Variants in DUSP8 observed in about 807,000 individuals in gnomAD.
DUSP8 encodes dual specificity phosphatase 8.
A neutral mutation model predicts 38.7 loss-of-function variants in DUSP8; 15 were observed. The observed-to-expected ratio is 0.39, with a 90% CI of 0.26 to 0.60. The LOEUF is 0.60. Among genes scored for constraint, DUSP8 ranks in the 20% least tolerant of loss-of-function variants. DUSP8 has a pLI of 0.56. For missense variants in DUSP8, 768 were observed against 915.0 expected, an observed-to-expected ratio of 0.84 and a Z score of 2.07; for synonymous variants, 458 against 433.9, an observed-to-expected ratio of 1.06 and a Z score of -0.69.
intron 3 of DUSP8, among the ~76,000 whole-genome samples, chr11:1,559,855 G>C (rs1342917756): frequency 6.6e-6 from 1 of 152,212 alleles, no homozygotes; most frequent in East Asian, 1.9e-4. Flanking sequence ...CCCTGCACCA[G>C]CTGGAAGGAC....
chr11:1,570,537 C>T (rs1159667523), intron 1 of DUSP8, among the ~76,000 whole-genome samples: 2 of 152,212 alleles, frequency 1.3e-5, no homozygotes, highest in South Asian at 2.1e-4. Context: ...CAGAGACTGA[C>T]TCTAAGCGTC....
At chr11:1,559,137 A>C in intron 3 of DUSP8, 82 bp from the exon 4 acceptor site, 1 of 1,359,884 alleles carries the variant, frequency 7.4e-7, no homozygotes, top group East Asian at 2.5e-5. Context: ...CGCCTAGGGC[A>C]CCCCATCTAC....
rs1425461718 is a variant in DUSP8 at position 1,557,697 on chromosome 11, G to A, written c.821+97C>T. On this transcript the variant is annotated intron_variant, in intron 6 of 6. Transcript: ENST00000397374. The surrounding 1 kb of genome is among the most constrained non-coding windows in gnomAD (Gnocchi z 9.9). ...GTCTCAGGCCCTCCTCCCTTGCCACGGGTCCTGGACGGTGGGGTCATTCTG... is the reference window on the plus strand; with the variant it reads ...GTCTCAGGCCCTCCTCCCTTGCCACAGGTCCTGGACGGTGGGGTCATTCTG... 18 of 1,577,614 alleles carry A rather than the reference G, an allele frequency of 1.1e-5. No homozygotes were observed. Among genetic ancestry groups the A allele is most frequent in the East Asian group, 2.2e-5 (1 of 44,484 alleles).
chr11:1,568,853 T>C (rs1173786321), intron 1 of DUSP8, among the ~76,000 whole-genome samples: 1 of 152,238 alleles, frequency 6.6e-6, no homozygotes, highest in Non-Finnish European at 1.5e-5. Context: ...TGCTGGCCTC[T>C]GGGAGAGCAT....
At chr11:1,572,432 G>C (rs1025045940), upstream of DUSP8, among the ~76,000 whole-genome samples, 13 of 150,304 alleles carry the variant, frequency 8.6e-5, no homozygotes, top group Admixed American at 4.0e-4. The surrounding 1 kb of genome is among the most constrained non-coding windows in gnomAD (Gnocchi z 4.7). Flanking sequence ...GCTGCCGCGG[G>C]GGGGGGGCGG....
Position 1,556,647 on chromosome 11 carries a change from G to T in DUSP8, c.1749C>A (p.Phe583Leu). The change falls in exon 7 of 7, where the codon TTC becomes TTA. Residue 583 changes from phenylalanine (F) to leucine (L), a missense_variant. By Grantham distance (22) the Phe-to-Leu change is conservative. Around this residue, in one of 3 missense-constraint regions of DUSP8, gnomAD observed 474 missense variants for 430.8 expected, o/e 1.10. Coordinates refer to ENST00000397374, the MANE Select transcript of DUSP8 (RefSeq NM_004420.3). The surrounding 1 kb of genome is among the most constrained non-coding windows in gnomAD (Gnocchi z 5.2). ...WPEEPAPETQ[F>L]KRRSCQMEFE... ...ACTCCATCTGGCAGCTGCGGCGCTT[G>T]AACTGCGTCTCCGGGGCCGGCTCCT... 1.4e-6 allele frequency: 2 copies of T among 1,413,746 alleles called. No homozygotes were observed. Among genetic ancestry groups the T allele is most frequent in the Non-Finnish European group, 1.9e-6 (2 of 1,080,238 alleles). The allele number at this position is 1,413,746 out of a possible 1,614,324, so 87.6% of individuals were successfully genotyped here. A position where few individuals can be genotyped will look rare whatever the true frequency, so the allele number is the denominator to read the frequency against.
Position 1,557,757 on chromosome 11 carries a change from C to T in DUSP8, c.821+37G>A, listed in dbSNP as rs563099635. The T allele has an allele frequency of 6.2e-7, 1 of 1,611,280 alleles. No individual in the cohort carries two copies. The highest frequency in any genetic ancestry group is 1.3e-5 in the African/African-American group (1 of 74,988). On this transcript the variant is annotated intron_variant, in intron 6 of 6. Transcript: ENST00000397374. This position sits in a 1 kb window ranked among gnomAD's most constrained non-coding sequence, Gnocchi z 9.9. ...GGCAGCCGGGGGAAGGGAAGCGACG[C>T]TGTGAGCCACAAGTGCGCGACTGGG...
In DUSP8 at chr11:1,572,188, G is replaced by T. The variant is rs963959596; in HGVS notation, c.-396C>A. On this transcript the variant is annotated 5_prime_UTR_variant, in exon 1 of 7. Coordinates refer to ENST00000397374, the MANE Select transcript of DUSP8 (RefSeq NM_004420.3). The surrounding 1 kb of genome is among the most constrained non-coding windows in gnomAD (Gnocchi z 4.7). ...GGAGGTTCCGGCGCGGCTCGGGCTC[G>T]GGCTCGGGCTCGGGCTCGGGCGTCC... Among the ~76,000 whole-genome samples the T allele has an allele frequency of 3.5e-5, 5 of 144,158 alleles. No homozygotes were observed. The highest frequency in any genetic ancestry group is 2.5e-5 in the African/African-American group (1 of 40,226). 94.6% of individuals were successfully genotyped at this position (144,158 alleles called of 152,430 possible).
rs1848586611 is a variant in DUSP8, at chr11:1,554,342, G to A, written c.*2176C>T. On this transcript the variant is annotated 3_prime_UTR_variant, in exon 7 of 7. Transcript: ENST00000397374. ...TGGAGAGGACTCAGGGCTGGGTCAG[G>A]TGAAAGCCACCAGGTGGGGCCCTGG... The A allele has an allele frequency of 6.6e-6, 1 of 152,260 alleles. No individual in the cohort carries two copies. Among genetic ancestry groups the A allele is most frequent in the African/African-American group, 2.4e-5 (1 of 41,350 alleles). The allele number at this position is 152,260 out of a possible 1,614,324, so 9.4% of individuals were successfully genotyped here.
intron 3 of DUSP8, among the ~76,000 whole-genome samples, chr11:1,562,698 C>G (rs1162549419): frequency 6.6e-6 from 1 of 151,816 alleles, no homozygotes; most frequent in East Asian, 1.9e-4. Flanking sequence ...CATGCACACA[C>G]ACACATACAT....
rs1848915481 is a variant in DUSP8 at position 1,572,210 on chromosome 11, G to A, written c.-418C>T. Among the ~76,000 whole-genome samples, 1 of 145,558 alleles carries A rather than the reference G, an allele frequency of 6.9e-6. No homozygotes were observed. Among genetic ancestry groups the A allele is most frequent in the Non-Finnish European group, 1.5e-5 (1 of 65,660 alleles). On this transcript the variant is annotated 5_prime_UTR_variant, in exon 1 of 7. The change creates a new upstream start codon in the 5' untranslated region. Coordinates refer to ENST00000397374, the MANE Select transcript of DUSP8 (RefSeq NM_004420.3). This position sits in a 1 kb window ranked among gnomAD's most constrained non-coding sequence, Gnocchi z 4.7. Reference sequence around the variant, plus strand: ...CTCGGGCTCGGGCTCGGGCTCGGGCGTCCGGCGTCCGGCGGGGCGTCGTGG... The same window carrying A: ...CTCGGGCTCGGGCTCGGGCTCGGGCATCCGGCGTCCGGCGGGGCGTCGTGG...
intron 3 of DUSP8, among the ~76,000 whole-genome samples, chr11:1,559,717 G>A (rs1848689404): frequency 6.6e-6 from 1 of 152,200 alleles, no homozygotes; most frequent in Non-Finnish European, 1.5e-5. Flanking sequence ...GGAGAGTGGA[G>A]AAGCCCGGGG....
In DUSP8 at chr11:1,572,049, T is replaced by TCGC. The variant is rs1231665774; in HGVS notation, c.-260_-258dup. 6.9e-6 allele frequency: 1 copy of TCGC among 143,978 alleles called. No individual in the cohort carries two copies. The highest frequency in any genetic ancestry group is 1.5e-5 in the Non-Finnish European group (1 of 65,188). 8.9% of individuals were successfully genotyped at this position (143,978 alleles called of 1,614,324 possible). ...GCGGGCCGCGTCGCCGTCGCCGCCG[T>TCGC]CGCCGCCGCCAACGCCGCGGGGAGC... On this transcript the variant is annotated 5_prime_UTR_variant, in exon 1 of 7. Coordinates refer to ENST00000397374, the MANE Select transcript of DUSP8 (RefSeq NM_004420.3). The surrounding 1 kb of genome is among the most constrained non-coding windows in gnomAD (Gnocchi z 4.7).
At chr11:1,559,229 C>A in intron 3 of DUSP8, 174 bp from the exon 4 acceptor site, 1 of 574,158 alleles carries the variant, frequency 1.7e-6, no homozygotes, top group East Asian at 3.4e-5. Context: ...GCTCTGCCCG[C>A]GGTGGGGGGA....
intron 1 of DUSP8, among the ~76,000 whole-genome samples, chr11:1,568,086 C>T (rs1178956452): frequency 6.6e-6 from 1 of 152,192 alleles, no homozygotes; most frequent in Non-Finnish European, 1.5e-5. Flanking sequence ...GTGGCAGGGA[C>T]ACTTGGGCTG....
rs1425788988 is a variant in DUSP8 at position 1,565,901 on chromosome 11, C to T, written c.-75G>A. ...TGCTCCGACGGCCCAGGTGTGGCCTCGCGCTGGGAGTGACCTAGCACATGG... is the reference window on the plus strand; with the variant it reads ...TGCTCCGACGGCCCAGGTGTGGCCTTGCGCTGGGAGTGACCTAGCACATGG... On this transcript the variant is annotated 5_prime_UTR_variant, in exon 2 of 7. Coordinates refer to ENST00000397374, the MANE Select transcript of DUSP8 (RefSeq NM_004420.3). 26 of 1,287,564 alleles carry T rather than the reference C, an allele frequency of 2.0e-5. No individual in the cohort carries two copies. Among genetic ancestry groups the T allele is most frequent in the Admixed American group, 1.0e-4 (6 of 57,586 alleles). The allele number at this position is 1,287,564 out of a possible 1,614,324, so 79.8% of individuals were successfully genotyped here.
chr11:1,566,339 T>C (rs1281783900), intron 1 of DUSP8, among the ~76,000 whole-genome samples: 1 of 152,074 alleles, frequency 6.6e-6, no homozygotes, highest in Non-Finnish European at 1.5e-5. Context: ...CCCTCCCACA[T>C]GGTCAAGCTC....
rs140661424 is a variant in DUSP8 at position 1,558,331 on chromosome 11, G to A, written c.538-60C>T. 8.0e-3 allele frequency: 10,643 copies of A among 1,328,778 alleles called. 147 individuals are homozygous for A. The highest frequency in any genetic ancestry group is 0.01 in the South Asian group (768 of 74,538). The allele number at this position is 1,328,778 out of a possible 1,614,324, so 82.3% of individuals were successfully genotyped here. A position where few individuals can be genotyped will look rare whatever the true frequency, so the allele number is the denominator to read the frequency against. ...GGAGAAGCTCGGGGCGGGAGTGAAG[G>A]TGGAGGCTTTTCCTGCCCTGCCGTC... On this transcript the variant is annotated intron_variant, in intron 4 of 6. Coordinates refer to ENST00000397374, the MANE Select transcript of DUSP8 (RefSeq NM_004420.3). This position sits in a 1 kb window ranked among gnomAD's most constrained non-coding sequence, Gnocchi z 6.3.
intron 1 of DUSP8, among the ~76,000 whole-genome samples, chr11:1,566,504 G>C (rs1848806587): frequency 6.6e-6 from 1 of 152,176 alleles, no homozygotes; most frequent in African/African-American, 2.4e-5. Context: ...GCCTCCACTG[G>C]AGAGTGGGCT....
Sources: allele counts gnomAD v4.1 joint callset (sites outside exome capture counted in the v4.1 genomes callset), GRCh38; gene constraint gnomAD v4.1.1; regional missense constraint gnomAD v4.1.1; non-coding constraint Gnocchi (gnomAD v3.1); transcripts MANE v1.5; gene names NCBI Gene and HGNC (gene_info 2026-07-23, HGNC 2026-07-21).